NEBL: variants seen among roughly 807,000 people sequenced by gnomAD.
NEBL encodes the protein LIM and SH3 protein 2.
NEBL carries 122 observed loss-of-function variants against 140.2 expected under a neutral mutation model. The observed-to-expected ratio is 0.87, with a 90% confidence interval of 0.75 to 1.01. The LOEUF is 1.01. Ranked by LOEUF, NEBL falls within the 50% of genes least tolerant of loss-of-function variation. NEBL has a pLI of 0.00. For synonymous variants in NEBL, 436 were observed against 398.9 expected (o/e 1.09, Z -1.11); for missense variants, 1,365 against 1,231.3 (o/e 1.11, Z -1.62).
intron 1 of NEBL, among the ~76,000 whole-genome samples, chr10:21,272,100 C>T (rs1266406556): frequency 6.7e-6 from 1 of 148,490 alleles, no homozygotes; most frequent in Non-Finnish European, 1.5e-5. Flanking sequence ...TACAGGCACC[C>T]GCCACCACAC....
At chr10:20,937,897 C>T (rs372202310) in intron 4 of NEBL, among the ~76,000 whole-genome samples, 47 of 152,150 alleles carry the variant, frequency 3.1e-4, no homozygotes, top group African/African-American at 9.4e-4. Context: ...GGAGGAGGGG[C>T]GCCCGCCATT....
Position 20,831,466 on chromosome 10 carries a change from G to C in NEBL, c.1560+7C>G, listed in dbSNP as rs758903630. 13 of 1,592,288 alleles carry C rather than the reference G, an allele frequency of 8.2e-6. No homozygotes were observed. Among genetic ancestry groups the C allele is most frequent in the Non-Finnish European group, 1.1e-5 (13 of 1,161,582 alleles). On this transcript the variant is annotated splice_region_variant and intron_variant, in intron 15 of 27. Transcript: ENST00000377122. ...ATTTTAAACTTTGTATCTTGCTGCT[G>C]TCTTACCTGGCTGGCCATCTCGGAT... is the stretch of plus-strand genomic sequence containing the variant.
intron 16 of NEBL, among the ~76,000 whole-genome samples, chr10:20,830,112 G>A (rs949722241): frequency 6.6e-5 from 10 of 152,148 alleles, no homozygotes; most frequent in African/African-American, 2.2e-4. Flanking sequence ...CGGCTGTGTC[G>A]GCTGCGGAGG....
intron 5 of NEBL, among the ~76,000 whole-genome samples, chr10:20,874,187 A>G (rs1172200795): frequency 6.6e-6 from 1 of 152,062 alleles, no homozygotes; most frequent in Admixed American, 6.6e-5. Flanking sequence ...TCATTCTCCT[A>G]TCTAATCCCT....
chr10:20,971,439 T>C (rs1488662298), intron 3 of NEBL, among the ~76,000 whole-genome samples: 1 of 151,476 alleles, frequency 6.6e-6, no homozygotes. Context: ...AGAATAGAAT[T>C]TTTTTTTCTT....
intron 21 of NEBL, among the ~76,000 whole-genome samples, chr10:20,817,002 G>C (rs1194527914): frequency 6.6e-6 from 1 of 152,168 alleles, no homozygotes; most frequent in African/African-American, 2.4e-5. Context: ...GGGCCAGGAT[G>C]CCAGAAGCTA....
In NEBL at chr10:21,033,741, G is replaced by GA. The variant is rs1167108232; in HGVS notation, c.165-13541dup. Among the ~76,000 whole-genome samples, 250 of 41,932 alleles carry GA rather than the reference G, an allele frequency of 6.0e-3. 1 individual carries two copies. The highest frequency in any genetic ancestry group is 0.023 in the South Asian group (29 of 1,262). The allele number at this position is 41,932 out of a possible 152,430, so 27.5% of individuals were successfully genotyped here. ...GCAACAAGAGCGAGACTTTGTCTCC[G>GA]AAAAAAAAAAAAAAAGAAAGAAAAG... On this transcript the variant is annotated intron_variant, in intron 2 of 6. Transcript: ENST00000417816.
intron 3 of NEBL, among the ~76,000 whole-genome samples, chr10:20,962,868 A>C (rs1239305207): frequency 6.6e-6 from 1 of 152,144 alleles, no homozygotes; most frequent in Admixed American, 6.5e-5. Context: ...CAGAAGGTAG[A>C]AAAGTTCACT....
At chr10:20,821,035 T>G (rs1269406144) in intron 19 of NEBL, among the ~76,000 whole-genome samples, 2 of 152,170 alleles carry the variant, frequency 1.3e-5, no homozygotes, top group African/African-American at 4.8e-5. Flanking sequence ...CAGATTCTTG[T>G]GACCGGGTGA....
chr10:20,884,949 T>C (rs1484538433), intron 4 of NEBL, among the ~76,000 whole-genome samples: 1 of 152,352 alleles, frequency 6.6e-6, no homozygotes, highest in African/African-American at 2.4e-5. Flanking sequence ...TCTACATCTC[T>C]CTCTCTTTTT....
In NEBL at chr10:21,159,772, T is replaced by A. The variant is rs78483041; in HGVS notation, c.164+12611A>T. On this transcript the variant is annotated intron_variant, in intron 2 of 6. Coordinates refer to the NEBL transcript ENST00000417816. ...TTCATGGATTCACCTCCTAGACATGTTTCTCTTTTAGCATACCAAGCCTCT... is the reference window on the plus strand; with the variant it reads ...TTCATGGATTCACCTCCTAGACATGATTCTCTTTTAGCATACCAAGCCTCT... Among the ~76,000 whole-genome samples the A allele has an allele frequency of 4.1e-3, 632 of 152,292 alleles. 5 individuals are homozygous for A. The highest frequency in any genetic ancestry group is 0.015 in the African/African-American group (608 of 41,550).
chr10:21,052,238 C>T (rs939521596), intron 2 of NEBL, among the ~76,000 whole-genome samples: 7 of 152,202 alleles, frequency 4.6e-5, no homozygotes, highest in African/African-American at 4.8e-5. Flanking sequence ...TGGCCAGGCT[C>T]ATCTGTCAGC....
intron 2 of NEBL, among the ~76,000 whole-genome samples, chr10:21,169,862 T>G (rs1840997980): frequency 6.6e-6 from 1 of 152,198 alleles, no homozygotes; most frequent in African/African-American, 2.4e-5. Context: ...GAGAAAAATC[T>G]ATAAACATTC....
chr10:20,934,982 T>C (rs1266332133), intron 4 of NEBL, among the ~76,000 whole-genome samples: 1 of 152,204 alleles, frequency 6.6e-6, no homozygotes, highest in African/African-American at 2.4e-5. Flanking sequence ...TGCTGTGCAA[T>C]AGTGAAGCAA....
chr10:21,204,341 A>C (rs929759423), intron 3 of NEBL, among the ~76,000 whole-genome samples: 1 of 152,164 alleles, frequency 6.6e-6, no homozygotes, highest in Non-Finnish European at 1.5e-5. Flanking sequence ...GAAGTAGTTA[A>C]ATTAAAATTA....
In NEBL at chr10:21,240,907, T is replaced by TACACACACACACAC. The variant is rs61704937; in HGVS notation, n.348+7000_348+7013dup. On this transcript the variant is annotated intron_variant and non_coding_transcript_variant, in intron 3 of 8. Transcript: ENST00000675702. ...CAGAACAGGGCAAAACACGCACACA[T>TACACACACACACAC]ACACACACACACACACACACACACA... is the stretch of plus-strand genomic sequence containing the variant. Among the ~76,000 whole-genome samples the TACACACACACACAC allele has an allele frequency of 9.9e-3, 1,361 of 137,338 alleles. 13 individuals carry two copies. Among genetic ancestry groups the TACACACACACACAC allele is most frequent in the Non-Finnish European group, 0.013 (836 of 62,402 alleles). The allele number at this position is 137,338 out of a possible 152,430, so 90.1% of individuals were successfully genotyped here. A position where few individuals can be genotyped will look rare whatever the true frequency, so the allele number is the denominator to read the frequency against.
chr10:21,216,693 C>T (rs1198298338), intron 3 of NEBL, among the ~76,000 whole-genome samples: 1 of 151,888 alleles, frequency 6.6e-6, no homozygotes, highest in Non-Finnish European at 1.5e-5. Context: ...ATTGCTTGAA[C>T]CCAGGAGATG....
At chr10:21,114,601 G>A (rs1838194970) in intron 2 of NEBL, among the ~76,000 whole-genome samples, 1 of 152,006 alleles carries the variant, frequency 6.6e-6, no homozygotes, top group Admixed American at 6.6e-5. Flanking sequence ...ATTTAGGATT[G>A]CTATGTTTTC....
In NEBL at chr10:21,272,363, C is replaced by T. The variant is rs189694646; in HGVS notation, n.182+20467G>A. 1.2e-4 allele frequency among the ~76,000 whole-genome samples: 19 copies of T among 152,124 alleles called. No individual in the cohort carries two copies. The East Asian group carries it at 3.3e-3, about 26-fold the overall frequency. ...ACTTTGGGAGGCCAAGATGGAGGAT[C>T]GCTTGAGGCCAGAAGTTTAATACCA... On this transcript the variant is annotated intron_variant and non_coding_transcript_variant, in intron 1 of 8. Transcript: ENST00000675702.
Sources: gnomAD v4.1 joint callset for allele counts (sites outside exome capture counted in the v4.1 genomes callset) on GRCh38, gnomAD v4.1.1 for gene constraint, MANE v1.5 for transcripts, NCBI Gene and HGNC (gene_info 2026-07-23, HGNC 2026-07-21) for gene names.